Variants in PDZRN3 observed in about 807,000 individuals in gnomAD.
PDZRN3 encodes the protein PDZ domain containing ring finger 3, also known as E3 ubiquitin-protein ligase PDZRN3.
In PDZRN3, 38 loss-of-function variants were observed where a neutral mutation model predicts 85.7. That is an observed-to-expected ratio of 0.44 (90% CI 0.34 to 0.58). PDZRN3 has a LOEUF of 0.58. Ranked by LOEUF, PDZRN3 falls within the 20% of genes least tolerant of loss-of-function variation. PDZRN3 has a pLI of 0.01. For missense variants in PDZRN3, 1,629 were observed against 1,506.4 expected (o/e 1.08, Z -1.35); for synonymous variants, 759 against 638.0 (o/e 1.19, Z -2.86).
At chr3:73,413,919 A>G (rs970447203) in intron 3 of PDZRN3, among the ~76,000 whole-genome samples, 1 of 152,200 alleles carries the variant, frequency 6.6e-6, no homozygotes, top group African/African-American at 2.4e-5. Context: ...TGGGAATGGT[A>G]TGTTTAACAA....
intron 3 of PDZRN3, among the ~76,000 whole-genome samples, chr3:73,450,497 T>G (rs1479027741): frequency 6.6e-6 from 1 of 152,206 alleles, no homozygotes; most frequent in African/African-American, 2.4e-5. Context: ...ATCAGGCACA[T>G]TAATAAGTCA....
intron 9 of PDZRN3, among the ~76,000 whole-genome samples, chr3:73,385,412 G>A (rs1260696134): frequency 6.6e-6 from 1 of 152,230 alleles, no homozygotes; most frequent in Non-Finnish European, 1.5e-5. Context: ...CAACGCATAT[G>A]TTTTCCAAAC....
rs1704084558 is a variant in PDZRN3 at position 73,507,224 on chromosome 3, A to C, written c.918+95130T>G. Among the ~76,000 whole-genome samples the C allele has an allele frequency of 3.9e-5, 6 of 152,100 alleles. No homozygotes were observed. The South Asian group carries it at 1.2e-3, about 32-fold the overall frequency. ...GCTCTTGTCCCCCAAGCTGGAGTGC[A>C]ATGGTGAGATCTCAGTTCACAGCAA... On this transcript the variant is annotated intron_variant, in intron 3 of 9. Transcript: ENST00000263666.
intron 3 of PDZRN3, among the ~76,000 whole-genome samples, chr3:73,423,810 T>C (rs1177031026): frequency 6.6e-6 from 1 of 152,204 alleles, no homozygotes; most frequent in Non-Finnish European, 1.5e-5. Context: ...AGGCTTTTAA[T>C]AAAAGATATT....
chr3:73,605,120 T>A (rs1702577801), intron 2 of PDZRN3, among the ~76,000 whole-genome samples: 1 of 151,250 alleles, frequency 6.6e-6, no homozygotes, highest in African/African-American at 2.4e-5. Flanking sequence ...GGTGGGAGGA[T>A]GGCTTGAGCC....
intron 3 of PDZRN3, among the ~76,000 whole-genome samples, chr3:73,429,462 T>C (rs1487825077): frequency 7.3e-6 from 1 of 137,838 alleles, no homozygotes; most frequent in Admixed American, 7.2e-5. Flanking sequence ...AGAGTCTCTT[T>C]GCTCTACAGC....
Position 73,554,018 on chromosome 3 carries a change from C to T in PDZRN3, c.918+48336G>A, listed in dbSNP as rs542884605. Among the ~76,000 whole-genome samples, 56 of 152,262 alleles carry T rather than the reference C, an allele frequency of 3.7e-4. No individual in the cohort carries two copies. In the South Asian group the frequency reaches 4.4e-3, roughly 12 times the overall value. ...ACTATCTCACTGGCAGCTGGAGGTA[C>T]AAAGTAGAGGCCCATGAGGCCTGGA... On this transcript the variant is annotated intron_variant, in intron 3 of 9. Transcript: ENST00000263666.
chr3:73,479,877 C>CG (rs1046551650), intron 3 of PDZRN3, among the ~76,000 whole-genome samples: 7 of 151,172 alleles, frequency 4.6e-5, no homozygotes, highest in African/African-American at 1.2e-4. Context: ...GTATGAGTTG[C>CG]GGGGGGCGGG....
Position 73,562,098 on chromosome 3 carries a change from A to G in PDZRN3, c.918+40256T>C, listed in dbSNP as rs537956240. 1.2e-4 allele frequency among the ~76,000 whole-genome samples: 19 copies of G among 152,324 alleles called. 1 individual carries two copies. Among genetic ancestry groups the G allele is most frequent in the Admixed American group, 8.5e-4 (13 of 15,298 alleles). On this transcript the variant is annotated intron_variant, in intron 3 of 9. Coordinates refer to ENST00000263666, the MANE Select transcript of PDZRN3 (RefSeq NM_015009.3). ...TGGTTTGATTTACAGTTTCTAAAAC[A>G]GAATAGAAAAGCCTAAATCCCCATT...
chr3:73,506,269 G>A (rs942033630), intron 3 of PDZRN3, among the ~76,000 whole-genome samples: 4 of 152,150 alleles, frequency 2.6e-5, no homozygotes, highest in Admixed American at 1.3e-4. Context: ...GGCCTGGGCA[G>A]GATAACAGTT....
chr3:73,520,776 G>A (rs991320873), intron 3 of PDZRN3, among the ~76,000 whole-genome samples: 1 of 152,142 alleles, frequency 6.6e-6, no homozygotes, highest in Non-Finnish European at 1.5e-5. Flanking sequence ...AGGAAGAGGT[G>A]AGCCCCTTGG....
chr3:73,410,719 A>G (rs1471799899), intron 3 of PDZRN3, among the ~76,000 whole-genome samples: 1 of 152,252 alleles, frequency 6.6e-6, no homozygotes, highest in Non-Finnish European at 1.5e-5. Flanking sequence ...GATGAGTCTT[A>G]GAGGTTAAAA....
At chr3:73,549,206 G>A (rs1342227148) in intron 3 of PDZRN3, among the ~76,000 whole-genome samples, 4 of 152,174 alleles carry the variant, frequency 2.6e-5, no homozygotes. Flanking sequence ...CGAGTGCTCT[G>A]TTCATGAAGT....
At chr3:73,541,243 C>T (rs990172283) in intron 3 of PDZRN3, among the ~76,000 whole-genome samples, 7 of 152,048 alleles carry the variant, frequency 4.6e-5, no homozygotes, top group Non-Finnish European at 8.8e-5. Context: ...ATATTTTTTT[C>T]TATCAAAGTC....
chr3:73,578,235 T>A (rs1702152120), intron 3 of PDZRN3, among the ~76,000 whole-genome samples: 1 of 149,868 alleles, frequency 6.7e-6, no homozygotes, highest in African/African-American at 2.5e-5. Flanking sequence ...AGTGGCACGA[T>A]CTCAGCTCAC....
Position 73,607,139 on chromosome 3 carries a change from G to A in PDZRN3, c.810+1459C>T, listed in dbSNP as rs1385270738. Among the ~76,000 whole-genome samples, 9 of 152,264 alleles carry A rather than the reference G, an allele frequency of 5.9e-5. No homozygotes were observed. The East Asian group carries it at 1.7e-3, about 29-fold the overall frequency. ...CCCTGCAAAACCCCAGCGTCCAACCGCTTTCTTCTAGCTCAGGGGTCTTCA... is the reference window on the plus strand; with the variant it reads ...CCCTGCAAAACCCCAGCGTCCAACCACTTTCTTCTAGCTCAGGGGTCTTCA... On this transcript the variant is annotated intron_variant, in intron 2 of 9. Coordinates refer to ENST00000263666, the MANE Select transcript of PDZRN3 (RefSeq NM_015009.3).
rs146248076 is a variant in PDZRN3 at position 73,595,665 on chromosome 3, C to T, written c.918+6689G>A. 3.7e-3 allele frequency among the ~76,000 whole-genome samples: 562 copies of T among 152,220 alleles called. 6 individuals are homozygous for T. The highest frequency in any genetic ancestry group is 0.013 in the African/African-American group (536 of 41,564). ...CAATAATTTTTTAATTCACTGATAA[C>T]ATCTAAGCAAAGATCACAGATTTAA... On this transcript the variant is annotated intron_variant, in intron 3 of 9. Transcript: ENST00000263666.
Position 73,384,887 on chromosome 3 carries a change from A to G in PDZRN3, c.1679T>C (p.Ile560Thr). ...EDGGTTDTATILSNQHEKDSG... is the reference protein window; with the variant it reads ...EDGGTTDTATTLSNQHEKDSG... ...GTCCTTCTCGTGCTGGTTGGACAAG[A>G]TGGTGGCTGTATCTGTGGTCCCACC... Residue 560 changes from isoleucine to threonine, a missense_variant, in exon 10 of 10, where the codon ATC becomes ACC. By Grantham distance (89) the Ile-to-Thr change is moderately conservative. Coordinates refer to ENST00000263666, the MANE Select transcript of PDZRN3 (RefSeq NM_015009.3). 2 of 1,612,768 alleles carry G rather than the reference A, an allele frequency of 1.2e-6. No homozygotes were observed. Among genetic ancestry groups the G allele is most frequent in the Non-Finnish European group, 8.5e-7 (1 of 1,179,222 alleles).
At chr3:73,614,724 T>G (rs1213309087) in intron 1 of PDZRN3, among the ~76,000 whole-genome samples, 2 of 152,006 alleles carry the variant, frequency 1.3e-5, no homozygotes, top group African/African-American at 4.8e-5. Flanking sequence ...GAGATGGGAG[T>G]TGAGGGGACC....
Sources: gnomAD v4.1 joint callset for allele counts (sites outside exome capture counted in the v4.1 genomes callset) on GRCh38, gnomAD v4.1.1 for gene constraint, MANE v1.5 for transcripts, NCBI Gene and HGNC (gene_info 2026-07-23, HGNC 2026-07-21) for gene names.